CCDC88C: variants seen among roughly 807,000 people sequenced by gnomAD.
CCDC88C encodes coiled-coil and HOOK domain protein 88C.
CCDC88C carries 131 observed loss-of-function variants against 198.8 expected under a neutral mutation model. The ratio of observed to expected loss-of-function variants is 0.66; its 90% CI spans 0.57 to 0.76. The LOEUF is 0.76. CCDC88C is among the 30% of genes least tolerant of loss of function. The probability of loss-of-function intolerance (pLI) is 0.00; values close to 1 mark genes in which losing one functional copy is unlikely to be tolerated. For missense variants in CCDC88C, 2,553 were observed against 2,631.6 expected, an observed-to-expected ratio of 0.97 and a Z score of 0.65; for synonymous variants, 1,166 against 1,114.7, an observed-to-expected ratio of 1.05 and a Z score of -0.92.
At chr14:91,384,922 C>T (rs1242663618) in intron 3 of CCDC88C, among the ~76,000 whole-genome samples, 4 of 152,202 alleles carry the variant, frequency 2.6e-5, no homozygotes, top group Non-Finnish European at 2.9e-5. Flanking sequence ...ATCCACCCAA[C>T]GGCAAAGGAT....
At chr14:91,398,205 C>T (rs557904366) in intron 3 of CCDC88C, among the ~76,000 whole-genome samples, 5 of 152,118 alleles carry the variant, frequency 3.3e-5, no homozygotes, top group African/African-American at 9.7e-5. Context: ...CTTCTGACAA[C>T]AAAAAGGAGA....
chr14:91,286,252 G>A (rs765560042), intron 25 of CCDC88C, among the ~76,000 whole-genome samples: 42 of 151,992 alleles, frequency 2.8e-4, no homozygotes, highest in Non-Finnish European at 5.1e-4. Flanking sequence ...CAATCCTCCC[G>A]TTCCCACTCA....
At chr14:91,369,382 T>C (rs2139923825) in intron 3 of CCDC88C, among the ~76,000 whole-genome samples, 1 of 152,302 alleles carries the variant, frequency 6.6e-6, no homozygotes, top group Non-Finnish European at 1.5e-5. Context: ...AATTTTCGTA[T>C]TTTTGTAAAG....
In CCDC88C at chr14:91,360,245, C is replaced by T. The variant is rs1044566900; in HGVS notation, c.271-534G>A. ...CCAAGCCTGGGCAACATAGCAAGAC[C>T]CCATCTTCACACACACACACACACA... On this transcript the variant is annotated intron_variant, in intron 3 of 29. Coordinates refer to ENST00000389857, the MANE Select transcript of CCDC88C (RefSeq NM_001080414.4). 4.1e-5 allele frequency among the ~76,000 whole-genome samples: 5 copies of T among 120,774 alleles called. No homozygotes were observed. The Admixed American group carries it at 4.8e-4, about 12-fold the overall frequency. 79.2% of individuals were successfully genotyped at this position (120,774 alleles called of 152,430 possible). A position where few individuals can be genotyped will look rare whatever the true frequency, so the allele number is the denominator to read the frequency against.
chr14:91,388,321 C>G (rs77472666), intron 3 of CCDC88C, among the ~76,000 whole-genome samples: 4 of 152,186 alleles, frequency 2.6e-5, no homozygotes, highest in African/African-American at 7.2e-5. Context: ...GCCCACCCCC[C>G]GCTCCACCTC....
rs532229077 is a variant in CCDC88C, at chr14:91,371,975, G to A, written c.271-12264C>T. Reference sequence around the variant, plus strand: ...GTGGGAAAGGCAGGCAGTGGGGGCAGCCAGCCCCCAACCTCACGCCCCAAC... The same window carrying A: ...GTGGGAAAGGCAGGCAGTGGGGGCAACCAGCCCCCAACCTCACGCCCCAAC... On this transcript the variant is annotated intron_variant, in intron 3 of 29. Transcript: ENST00000389857. This position sits in a 1 kb window ranked among gnomAD's most constrained non-coding sequence, Gnocchi z 4.2. 6.6e-6 allele frequency among the ~76,000 whole-genome samples: 1 copy of A among 152,306 alleles called. No individual in the cohort carries two copies. The highest frequency in any genetic ancestry group is 1.9e-4 in the East Asian group (1 of 5,164).
Position 91,359,560 on chromosome 14 carries a change from C to T in CCDC88C, c.340+82G>A, listed in dbSNP as rs150235613. ...TCACTGTGCTGGCCCAAGCTGGCAG[C>T]CGGAGCTCGATGGCCAGCAGCTGCC... On this transcript the variant is annotated intron_variant, in intron 4 of 29. Coordinates refer to ENST00000389857, the MANE Select transcript of CCDC88C (RefSeq NM_001080414.4). The T allele has an allele frequency of 6.4e-6, 7 of 1,101,106 alleles. No homozygotes were observed. In the African/African-American group the frequency reaches 1.1e-4, roughly 17 times the overall value. 68.2% of individuals were successfully genotyped at this position (1,101,106 alleles called of 1,614,324 possible).
intron 4 of CCDC88C, among the ~76,000 whole-genome samples, chr14:91,358,638 T>C (rs1368138027): frequency 6.6e-6 from 1 of 152,270 alleles, no homozygotes; most frequent in Non-Finnish European, 1.5e-5. Flanking sequence ...TTCTGTAAGA[T>C]GCCAGGAGGA....
intron 2 of CCDC88C, among the ~76,000 whole-genome samples, chr14:91,416,031 G>C (rs1452450885): frequency 6.6e-6 from 1 of 152,166 alleles, no homozygotes; most frequent in Non-Finnish European, 1.5e-5. Context: ...GTTAAAAACA[G>C]AATGCAAAGG....
At chr14:91,320,647 G>A (rs1468287721) in intron 13 of CCDC88C, among the ~76,000 whole-genome samples, 1 of 152,182 alleles carries the variant, frequency 6.6e-6, no homozygotes, top group Non-Finnish European at 1.5e-5. Context: ...GAGCCCTTAG[G>A]CTGCAGGGTC....
intron 3 of CCDC88C, among the ~76,000 whole-genome samples, chr14:91,373,141 G>A (rs2139932888): frequency 6.6e-6 from 1 of 152,266 alleles, no homozygotes; most frequent in Middle Eastern, 3.4e-3. Flanking sequence ...ACCGTCCCCA[G>A]CCCCTGGGCT....
Position 91,273,529 on chromosome 14 carries a change from A to G in CCDC88C, c.5183T>C (p.Phe1728Ser), listed in dbSNP as rs7145583. Residue 1728 changes from phenylalanine (F) to serine (S), a missense_variant, in exon 30 of 30, where the codon TTT becomes TCT. This residue lies in a region of CCDC88C where 1,293 missense variants were observed against 1,219.6 expected (regional missense o/e 1.06). Coordinates refer to ENST00000389857, the MANE Select transcript of CCDC88C (RefSeq NM_001080414.4). This position sits in a 1 kb window ranked among gnomAD's most constrained non-coding sequence, Gnocchi z 5.6. The stretch of plus-strand genomic sequence containing the variant: ...GGCCATTTTGACGGTGGGGGCCACA[A>G]AGTTGGTGGGCATCTTGGCCCCTTC... ...KKEGAKMPTNFVAPTVKMAAP... is the reference protein window; with the variant it reads ...KKEGAKMPTNSVAPTVKMAAP... The G allele has an allele frequency of 9.4e-4, 1,433 of 1,526,322 alleles. 9 individuals are homozygous for G. In the African/African-American group the frequency reaches 0.018, roughly 19 times the overall value. The allele number at this position is 1,526,322 out of a possible 1,614,324, so 94.5% of individuals were successfully genotyped here.
At chr14:91,383,491 A>G (rs897709846) in intron 3 of CCDC88C, among the ~76,000 whole-genome samples, 20 of 152,130 alleles carry the variant, frequency 1.3e-4, no homozygotes, top group African/African-American at 4.1e-4. Context: ...AGCCAGGAGG[A>G]AGGGGGTGGA....
At chr14:91,411,459 A>C (rs1886782653) in intron 2 of CCDC88C, among the ~76,000 whole-genome samples, 2 of 152,184 alleles carry the variant, frequency 1.3e-5, no homozygotes, top group African/African-American at 4.8e-5. Flanking sequence ...ATAACCGCTA[A>C]ACAACTGCAC....
chr14:91,397,473 C>T (rs1885918144), intron 3 of CCDC88C, among the ~76,000 whole-genome samples: 1 of 151,310 alleles, frequency 6.6e-6, no homozygotes, highest in African/African-American at 2.4e-5. Context: ...CTCACACTCA[C>T]ACACTCTCAC....
chr14:91,394,947 C>A (rs1885755755), intron 3 of CCDC88C, among the ~76,000 whole-genome samples: 1 of 152,172 alleles, frequency 6.6e-6, no homozygotes, highest in African/African-American at 2.4e-5. Flanking sequence ...CCTGCCACCC[C>A]TCTGCCAGAC....
At position 91,339,518 on chromosome 14, in the gene CCDC88C, C is replaced by G; in HGVS notation, c.625-56G>C. The G allele has an allele frequency of 6.6e-7, 1 of 1,509,882 alleles. No individual in the cohort carries two copies. The highest frequency in any genetic ancestry group is 1.2e-5 in the South Asian group (1 of 80,086). The allele number at this position is 1,509,882 out of a possible 1,614,324, so 93.5% of individuals were successfully genotyped here. On this transcript the variant is annotated intron_variant, in intron 7 of 29. Coordinates refer to ENST00000389857, the MANE Select transcript of CCDC88C (RefSeq NM_001080414.4). The surrounding 1 kb of genome is among the most constrained non-coding windows in gnomAD (Gnocchi z 5.8). Reference sequence around the variant, plus strand: ...GAACAAACGGGGTTAACCAGCACAACGCCTGAGCTTGAACAGGGTGAAGAA... The same window carrying G: ...GAACAAACGGGGTTAACCAGCACAAGGCCTGAGCTTGAACAGGGTGAAGAA...
intron 3 of CCDC88C, among the ~76,000 whole-genome samples, chr14:91,404,779 C>G (rs1229084570): frequency 6.6e-6 from 1 of 151,818 alleles, no homozygotes; most frequent in African/African-American, 2.4e-5. Flanking sequence ...CTGGCTAACA[C>G]GGTGAAAACC....
At chr14:91,403,823 G>A (rs756764014) in intron 3 of CCDC88C, among the ~76,000 whole-genome samples, 15 of 152,192 alleles carry the variant, frequency 9.9e-5, no homozygotes, top group Non-Finnish European at 1.8e-4. Context: ...CCAGCTACTC[G>A]GGAGGCTGAG....
Sources: allele counts gnomAD v4.1 joint callset (sites outside exome capture counted in the v4.1 genomes callset), GRCh38; gene constraint gnomAD v4.1.1; regional missense constraint gnomAD v4.1.1; non-coding constraint Gnocchi (gnomAD v3.1); transcripts MANE v1.5; gene names NCBI Gene and HGNC (gene_info 2026-07-23, HGNC 2026-07-21).